TSHR: variants seen among roughly 807,000 people sequenced by gnomAD.
TSHR encodes the protein thyroid stimulating hormone receptor.
Under a neutral mutation model 64.1 loss-of-function variants are expected in TSHR, and 51 were observed. The ratio of observed to expected loss-of-function variants is 0.80; its 90% CI spans 0.64 to 1.01. The LOEUF (loss-of-function observed/expected upper bound fraction) is 1.01. Among genes scored for constraint, TSHR ranks in the 50% least tolerant of loss-of-function variants. The pLI is 0.00. For synonymous variants in TSHR, 361 were observed against 361.9 expected (o/e 1.00, Z 0.03); for missense variants, 877 against 942.8 (o/e 0.93, Z 0.91).
At position 81,068,333 on chromosome 14, in the gene TSHR, G is replaced by C. The variant is rs752795641; in HGVS notation, c.317+5G>C. ...TTTGAGTAAAGTGACTCACATGTAA[G>C]TACAAGGAAAAGTGCAGCATAGACC... On this transcript the variant is annotated splice_donor_5th_base_variant and intron_variant, in intron 3 of 9. Coordinates refer to ENST00000298171, the MANE Select transcript of TSHR (RefSeq NM_000369.5). 6.2e-7 allele frequency: 1 copy of C among 1,612,498 alleles called. No homozygotes were observed. Among genetic ancestry groups the C allele is most frequent in the Non-Finnish European group, 8.5e-7 (1 of 1,179,092 alleles).
chr14:81,076,610 A>G (rs1032935103), intron 3 of TSHR, among the ~76,000 whole-genome samples: 1 of 152,126 alleles, frequency 6.6e-6, no homozygotes, highest in African/African-American at 2.4e-5. Context: ...AATACCTGAG[A>G]TGTATCACTA....
rs113093752 is a variant in TSHR, at chr14:81,078,253, A to G, written c.318-9701A>G. On this transcript the variant is annotated intron_variant, in intron 3 of 9. Transcript: ENST00000298171. Reference sequence around the variant, plus strand: ...TTCTGAGGTTTTATTTACTGAAAATATATTTTACCTTAATATTTGAAAAAC... The same window carrying G: ...TTCTGAGGTTTTATTTACTGAAAATGTATTTTACCTTAATATTTGAAAAAC... Among the ~76,000 whole-genome samples the G allele has an allele frequency of 2.3e-3, 354 of 152,290 alleles. 2 individuals are homozygous for G. The highest frequency in any genetic ancestry group is 7.7e-3 in the African/African-American group (322 of 41,570).
chr14:80,958,547 C>G (rs1181128262), intron 1 of TSHR, among the ~76,000 whole-genome samples: 2 of 151,756 alleles, frequency 1.3e-5, no homozygotes, highest in Non-Finnish European at 2.9e-5. Context: ...ACTCAGAAAG[C>G]AGGAGGTTAG....
intron 1 of TSHR, among the ~76,000 whole-genome samples, chr14:81,015,742 CG>C (rs1421734322): frequency 6.6e-6 from 1 of 151,940 alleles, no homozygotes; most frequent in African/African-American, 2.4e-5. Flanking sequence ...CCTGTCTAAC[CG>C]AAATTTTGTA....
At chr14:81,076,764 T>G (rs1341269784) in intron 3 of TSHR, among the ~76,000 whole-genome samples, 1 of 152,234 alleles carries the variant, frequency 6.6e-6, no homozygotes, top group Non-Finnish European at 1.5e-5. Context: ...TGAACTATGA[T>G]AATTTTATAT....
intron 8 of TSHR, among the ~76,000 whole-genome samples, chr14:81,136,192 T>C (rs1891448706): frequency 6.6e-6 from 1 of 152,228 alleles, no homozygotes; most frequent in Non-Finnish European, 1.5e-5. Flanking sequence ...AAAGTGACAT[T>C]ACTCAATTCA....
In TSHR at chr14:81,005,723, G is replaced by A. The variant is rs182573733; in HGVS notation, c.170+49873G>A. The stretch of plus-strand genomic sequence containing the variant: ...GTTATAATCTGACTAATGTGTTCTT[G>A]GAACCGCGGAGCTACTGAAGTTTTC... On this transcript the variant is annotated intron_variant, in intron 1 of 9. Coordinates refer to ENST00000298171, the MANE Select transcript of TSHR (RefSeq NM_000369.5). Among the ~76,000 whole-genome samples, 276 of 152,252 alleles carry A rather than the reference G, an allele frequency of 1.8e-3. 7 individuals are homozygous for A. The highest frequency in any genetic ancestry group is 6.9e-4 in the Non-Finnish European group (47 of 68,020).
intron 3 of TSHR, among the ~76,000 whole-genome samples, chr14:81,074,452 C>T (rs1887343333): frequency 6.6e-6 from 1 of 152,124 alleles, no homozygotes; most frequent in South Asian, 2.1e-4. Context: ...GATCACTCAT[C>T]TTTGCTCAAG....
intron 3 of TSHR, among the ~76,000 whole-genome samples, chr14:81,081,442 T>G (rs1887902598): frequency 1.3e-5 from 2 of 152,114 alleles, no homozygotes; most frequent in African/African-American, 4.8e-5. Context: ...TTCCGCCCCC[T>G]CCCTTGGCAC....
intron 1 of TSHR, among the ~76,000 whole-genome samples, chr14:81,007,542 C>T (rs562378594): frequency 1.3e-5 from 2 of 152,258 alleles, no homozygotes; most frequent in African/African-American, 4.8e-5. Context: ...CTCATCACTT[C>T]GTATCAAGGG....
chr14:81,144,579 G>GT lies in TSHR; in HGVS notation c.*227dup, dbSNP rs1336618199. On this transcript the variant is annotated 3_prime_UTR_variant, in exon 10 of 10. Coordinates refer to ENST00000298171, the MANE Select transcript of TSHR (RefSeq NM_000369.5). ...GGCTACCAGCATATTTGAATGCCAG[G>GT]TGAAATCAAAATAATCTACACTATC... 3.4e-6 allele frequency: 2 copies of GT among 586,946 alleles called. No individual in the cohort carries two copies. Among genetic ancestry groups the GT allele is most frequent in the African/African-American group, 3.7e-5 (2 of 53,542 alleles). The allele number at this position is 586,946 out of a possible 1,614,324, so 36.4% of individuals were successfully genotyped here.
At chr14:81,071,611 A>G (rs1887073689) in intron 3 of TSHR, among the ~76,000 whole-genome samples, 1 of 152,098 alleles carries the variant, frequency 6.6e-6, no homozygotes, top group Non-Finnish European at 1.5e-5. Context: ...CAAAAAAAAA[A>G]TTAGCTGAGC....
intron 7 of TSHR, chr14:81,105,007 T>G (rs1454502709): frequency 1.0e-6 from 1 of 985,464 alleles, no homozygotes; most frequent in Non-Finnish European, 1.2e-6. Context: ...AAGTATTTCC[T>G]TTCGTCTCTT....
intron 1 of TSHR, among the ~76,000 whole-genome samples, chr14:80,961,823 A>T (rs556289152): frequency 6.6e-6 from 1 of 152,356 alleles, no homozygotes; most frequent in South Asian, 2.1e-4. Flanking sequence ...TTATCATTTA[A>T]TATTTTAATA....
At chr14:81,080,098 G>C (rs376720011) in intron 3 of TSHR, among the ~76,000 whole-genome samples, 1 of 151,982 alleles carries the variant, frequency 6.6e-6, no homozygotes, top group Non-Finnish European at 1.5e-5. Flanking sequence ...GACTACAGGC[G>C]TGTGCCACCA....
chr14:81,118,696 C>A (rs1468521274), intron 8 of TSHR, among the ~76,000 whole-genome samples: 1 of 152,106 alleles, frequency 6.6e-6, no homozygotes, highest in Non-Finnish European at 1.5e-5. Flanking sequence ...TCATATGGAA[C>A]CAAAAAAGAG....
intron 1 of TSHR, among the ~76,000 whole-genome samples, chr14:80,963,480 A>C (rs1244829915): frequency 1.3e-5 from 2 of 152,090 alleles, no homozygotes; most frequent in African/African-American, 2.4e-5. Context: ...GATTGACAAG[A>C]AAAAAAACAT....
intron 1 of TSHR, among the ~76,000 whole-genome samples, chr14:81,036,334 G>T (rs1234472231): frequency 6.6e-6 from 1 of 152,252 alleles, no homozygotes; most frequent in Non-Finnish European, 1.5e-5. Context: ...CAAAAGCAGT[G>T]AGAGAAGAGA....
rs574916598 is a variant in TSHR, at chr14:81,059,521, C to A, written c.171-2627C>A. 3.3e-5 allele frequency among the ~76,000 whole-genome samples: 5 copies of A among 152,272 alleles called. No homozygotes were observed. In the East Asian group the frequency reaches 9.6e-4, roughly 29 times the overall value. On this transcript the variant is annotated intron_variant, in intron 1 of 9. Coordinates refer to ENST00000298171, the MANE Select transcript of TSHR (RefSeq NM_000369.5). ...TTTGGCAATCTATACAACTAGTTGTCATTCTAATAATTCATTTAACATTAT... is the reference window on the plus strand; with the variant it reads ...TTTGGCAATCTATACAACTAGTTGTAATTCTAATAATTCATTTAACATTAT...
Sources: allele counts gnomAD v4.1 joint callset (sites outside exome capture counted in the v4.1 genomes callset), GRCh38; gene constraint gnomAD v4.1.1; transcripts MANE v1.5; gene names NCBI Gene and HGNC (gene_info 2026-07-23, HGNC 2026-07-21).